The following HIPK2 variants were observed in gnomAD, a reference collection of about 807,000 sequenced individuals.
HIPK2 encodes the protein homeodomain-interacting protein kinase 2.
Under a neutral mutation model 113.7 loss-of-function variants are expected in HIPK2, and 27 were observed. That is an observed-to-expected ratio of 0.24 (90% confidence interval 0.17 to 0.33). HIPK2 has a LOEUF of 0.33. HIPK2 is among the 10% of genes least tolerant of loss of function. The pLI, the probability that HIPK2 is intolerant of heterozygous loss-of-function variation, is 1.00. For missense variants in HIPK2, 1,257 were observed against 1,588.0 expected (o/e 0.79, Z 3.54); for synonymous variants, 631 against 642.2 (o/e 0.98, Z 0.26).
intron 1 of HIPK2, among the ~76,000 whole-genome samples, chr7:139,727,359 A>G (rs1411483031): frequency 6.6e-6 from 1 of 152,162 alleles, no homozygotes; most frequent in African/African-American, 2.4e-5. Flanking sequence ...AGGAGCAGGG[A>G]AAGAAGGGTG....
chr7:139,595,372 G>T (rs1464652701), intron 12 of HIPK2, among the ~76,000 whole-genome samples: 2 of 152,100 alleles, frequency 1.3e-5, no homozygotes, highest in African/African-American at 4.8e-5. Context: ...GGGCACTGCG[G>T]AGAATGGACC....
chr7:139,578,702 G>C (rs549331834), intron 13 of HIPK2, among the ~76,000 whole-genome samples: 6 of 152,288 alleles, frequency 3.9e-5, no homozygotes, highest in African/African-American at 1.2e-4. Context: ...GTGGAGTCTT[G>C]CTCTGTCGCT....
At chr7:139,705,211 T>C (rs981169568) in intron 2 of HIPK2, among the ~76,000 whole-genome samples, 33 of 152,328 alleles carry the variant, frequency 2.2e-4, no homozygotes, top group African/African-American at 6.5e-4. Flanking sequence ...CACAGAAGCA[T>C]GGATCTGGGT....
intron 2 of HIPK2, among the ~76,000 whole-genome samples, chr7:139,668,446 C>T (rs1232247470): frequency 6.6e-6 from 1 of 151,620 alleles, no homozygotes; most frequent in Non-Finnish European, 1.5e-5. Context: ...CCTGTAGTTC[C>T]AGCTACTCGG....
chr7:139,640,825 A>T (rs1223247509), intron 2 of HIPK2, among the ~76,000 whole-genome samples: 3 of 152,062 alleles, frequency 2.0e-5, no homozygotes, highest in Admixed American at 6.5e-5. Context: ...CATGTTGCCC[A>T]GGCTCTTCTT....
At chr7:139,677,157 G>A (rs1442355267) in intron 2 of HIPK2, among the ~76,000 whole-genome samples, 12 of 151,876 alleles carry the variant, frequency 7.9e-5, no homozygotes, top group Middle Eastern at 3.4e-3. Context: ...CACCACGCCC[G>A]GCCAAACCAT....
intron 1 of HIPK2, among the ~76,000 whole-genome samples, chr7:139,732,984 T>C (rs1351714435): frequency 6.6e-6 from 1 of 151,956 alleles, no homozygotes; most frequent in East Asian, 1.9e-4. Context: ...TTTAGCACCA[T>C]TCATCTTGGT....
intron 1 of HIPK2, among the ~76,000 whole-genome samples, chr7:139,719,055 C>G (rs1042876929): frequency 6.6e-6 from 1 of 152,166 alleles, no homozygotes; most frequent in African/African-American, 2.4e-5. Flanking sequence ...ATGCTCTTCT[C>G]TGGACTTCAG....
intron 1 of HIPK2, among the ~76,000 whole-genome samples, chr7:139,754,407 G>A (rs140145470): frequency 1.3e-5 from 2 of 152,252 alleles, no homozygotes; most frequent in East Asian, 1.9e-4. Context: ...ACCTAGAAAC[G>A]CATGCTTCAG....
In HIPK2 at chr7:139,566,464, T is replaced by C. The variant is rs1355617416; in HGVS notation, c.*6463A>G. The C allele has an allele frequency of 6.6e-6, 1 of 152,178 alleles. No individual in the cohort carries two copies. The highest frequency in any genetic ancestry group is 1.5e-5 in the Non-Finnish European group (1 of 68,042). 9.4% of individuals were successfully genotyped at this position (152,178 alleles called of 1,614,324 possible). A position where few individuals can be genotyped will look rare whatever the true frequency, so the allele number is the denominator to read the frequency against. On this transcript the variant is annotated 3_prime_UTR_variant, in exon 15 of 15. Transcript: ENST00000406875. This position sits in a 1 kb window ranked among gnomAD's most constrained non-coding sequence, Gnocchi z 4.1. ...TGCAGGAAGCGGGAGTATCACTAAA[T>C]GGTTCATAGAAATATGAGGCCACGC...
chr7:139,741,696 T>C (rs1359263487), intron 1 of HIPK2, among the ~76,000 whole-genome samples: 1 of 152,148 alleles, frequency 6.6e-6, no homozygotes, highest in East Asian at 1.9e-4. Context: ...TCAGTATAGC[T>C]CTGAATTTTC....
chr7:139,733,298 C>G (rs1471936664), intron 1 of HIPK2, among the ~76,000 whole-genome samples: 1 of 152,170 alleles, frequency 6.6e-6, no homozygotes, highest in Admixed American at 6.5e-5. Flanking sequence ...CCTAAACAAG[C>G]GTTTAGTGAA....
chr7:139,671,948 A>C (rs549735039), intron 2 of HIPK2, among the ~76,000 whole-genome samples: 1 of 152,322 alleles, frequency 6.6e-6, no homozygotes, highest in Admixed American at 6.5e-5. Flanking sequence ...AAGGCAAAGA[A>C]TTTTTTAATT....
At chr7:139,724,287 T>C (rs193178747) in intron 1 of HIPK2, among the ~76,000 whole-genome samples, 6 of 152,284 alleles carry the variant, frequency 3.9e-5, no homozygotes, top group Middle Eastern at 3.4e-3. Flanking sequence ...ACATACTAAA[T>C]AATATTCATA....
At chr7:139,772,560 AAG>A (rs72280132) in intron 1 of HIPK2, among the ~76,000 whole-genome samples, 70 of 152,032 alleles carry the variant, frequency 4.6e-4, no homozygotes, top group African/African-American at 1.5e-3. Context: ...AAAACACTTC[AAG>A]AGAGATAGGA....
chr7:139,764,850 T>C (rs1796527129), intron 1 of HIPK2, among the ~76,000 whole-genome samples: 1 of 152,186 alleles, frequency 6.6e-6, no homozygotes, highest in South Asian at 2.1e-4. Context: ...AGTATTATAC[T>C]TTAGGCTTGG....
intron 2 of HIPK2, among the ~76,000 whole-genome samples, chr7:139,651,438 CA>C (rs1380277560): frequency 6.6e-6 from 1 of 152,164 alleles, no homozygotes; most frequent in African/African-American, 2.4e-5. Flanking sequence ...TGCTGAAAAT[CA>C]AAAGCTCTGG....
intron 10 of HIPK2, among the ~76,000 whole-genome samples, chr7:139,602,915 C>A (rs1252227396): frequency 6.6e-6 from 1 of 152,152 alleles, no homozygotes; most frequent in East Asian, 1.9e-4. Flanking sequence ...TAACTTGCCC[C>A]AGGTCATGCA....
In HIPK2 at chr7:139,570,245, T is replaced by G. The variant is rs1269008453; in HGVS notation, c.*2682A>C. 1 of 150,260 alleles carries G rather than the reference T, an allele frequency of 6.7e-6. No individual in the cohort carries two copies. The highest frequency in any genetic ancestry group is 2.0e-4 in the East Asian group (1 of 4,976). The allele number at this position is 150,260 out of a possible 1,614,324, so 9.3% of individuals were successfully genotyped here. On this transcript the variant is annotated 3_prime_UTR_variant, in exon 15 of 15. Coordinates refer to ENST00000406875, the MANE Select transcript of HIPK2 (RefSeq NM_022740.5). ...TGCCATCTGGCTGCCAAAAAGTCCC[T>G]AATAGATGGATTTTCCAGGCTGACC... is the stretch of plus-strand genomic sequence containing the variant.
Sources: allele counts gnomAD v4.1 joint callset (sites outside exome capture counted in the v4.1 genomes callset), GRCh38; gene constraint gnomAD v4.1.1; non-coding constraint Gnocchi (gnomAD v3.1); transcripts MANE v1.5; gene names NCBI Gene and HGNC (gene_info 2026-07-23, HGNC 2026-07-21).